FRYL: variants seen among roughly 807,000 people sequenced by gnomAD.
The protein encoded by FRYL is protein furry homolog-like.
Under a neutral mutation model 351.2 loss-of-function variants are expected in FRYL, and 150 were observed. That is an observed-to-expected ratio of 0.43 (90% CI 0.37 to 0.49). The LOEUF is 0.49. Ranked by LOEUF, FRYL falls within the 20% of genes least tolerant of loss-of-function variation. The probability of loss-of-function intolerance (pLI) is 0.00; values close to 1 mark genes in which losing one functional copy is unlikely to be tolerated. For synonymous variants in FRYL, 1,153 were observed against 1,257.1 expected (o/e 0.92, Z 1.75); for missense variants, 3,036 against 3,619.3 (o/e 0.84, Z 4.13).
chr4:48,604,619 A>G (rs1336162880), intron 11 of FRYL, among the ~76,000 whole-genome samples: 1 of 152,230 alleles, frequency 6.6e-6, no homozygotes, highest in African/African-American at 2.4e-5. Context: ...AGCAAGGGGC[A>G]TGGAGCAGGT....
At chr4:48,623,269 T>C in intron 4 of FRYL, 90 bp from the exon 5 acceptor site, 2 of 801,066 alleles carry the variant, frequency 2.5e-6, no homozygotes, top group South Asian at 3.9e-5. Flanking sequence ...AGTTTAGATT[T>C]GTGCGTTTGG....
In FRYL at chr4:48,634,414, G is replaced by A. The variant is rs1436442602; in HGVS notation, c.-4C>T. 1 of 1,612,578 alleles carries A rather than the reference G, an allele frequency of 6.2e-7. No individual in the cohort carries two copies. Among genetic ancestry groups the A allele is most frequent in the East Asian group, 2.2e-5 (1 of 44,828 alleles). ...GGTCAATCGTAATGTTTGACATGATGATATTTTTTTTTCCCCAAGTGGAAT... is the reference window on the plus strand; with the variant it reads ...GGTCAATCGTAATGTTTGACATGATAATATTTTTTTTTCCCCAAGTGGAAT... On this transcript the variant is annotated 5_prime_UTR_variant, in exon 4 of 64. Transcript: ENST00000358350.
chr4:48,619,022 T>C, intron 7 of FRYL: 1 of 345,836 alleles, frequency 2.9e-6, no homozygotes, highest in Non-Finnish European at 5.2e-6. Context: ...ATTAACACAA[T>C]TTCCATTCAG....
chr4:48,616,132 G>A (rs1429976908), intron 7 of FRYL, among the ~76,000 whole-genome samples: 2 of 151,852 alleles, frequency 1.3e-5, no homozygotes, highest in African/African-American at 2.4e-5. Flanking sequence ...ATGGGTTGAT[G>A]GGTGCAGCAA....
chr4:48,638,743 G>C (rs1754750489), intron 3 of FRYL, among the ~76,000 whole-genome samples: 1 of 152,150 alleles, frequency 6.6e-6, no homozygotes, highest in East Asian at 1.9e-4. Flanking sequence ...TAAAGAAAAT[G>C]TGGCACACAT....
chr4:48,522,037 G>C (rs1297809753), intron 54 of FRYL, among the ~76,000 whole-genome samples: 2 of 152,164 alleles, frequency 1.3e-5, no homozygotes, highest in East Asian at 1.9e-4. Context: ...TGCCACTTTG[G>C]GAGGCCGAGG....
chr4:48,663,724 G>A (rs111611407), intron 3 of FRYL, among the ~76,000 whole-genome samples: 239 of 133,902 alleles, frequency 1.8e-3, no homozygotes, highest in African/African-American at 6.2e-3. Context: ...GCAGTGAGCC[G>A]AGATCGCGCC....
intron 1 of FRYL, among the ~76,000 whole-genome samples, chr4:48,740,012 C>T (rs1174552502): frequency 6.6e-6 from 1 of 152,132 alleles, no homozygotes; most frequent in Non-Finnish European, 1.5e-5. Flanking sequence ...GATGCAGTCC[C>T]TCAACCTTGG....
intron 19 of FRYL, among the ~76,000 whole-genome samples, chr4:48,585,780 G>T (rs1741973417): frequency 6.6e-6 from 1 of 152,136 alleles, no homozygotes; most frequent in Non-Finnish European, 1.5e-5. Flanking sequence ...TCAAATCAGT[G>T]CAATGAGGAT....
chr4:48,574,490 CAAA>C (rs1739114371), intron 25 of FRYL: 1 of 151,980 alleles, frequency 6.6e-6, no homozygotes, highest in Non-Finnish European at 1.5e-5. Context: ...TAGCAAAAGG[CAAA>C]AGATTTATAC....
intron 1 of FRYL, among the ~76,000 whole-genome samples, chr4:48,769,392 C>T (rs1476032304): frequency 2.0e-5 from 3 of 152,110 alleles, no homozygotes; most frequent in East Asian, 1.9e-4. Context: ...TACAATACTA[C>T]TAGAACAGTT....
chr4:48,775,914 G>C (rs1775966168), intron 1 of FRYL, among the ~76,000 whole-genome samples: 1 of 151,936 alleles, frequency 6.6e-6, no homozygotes, highest in East Asian at 1.9e-4. Context: ...GAATTACTAG[G>C]CCTGGAGAAA....
chr4:48,549,352 T>C lies in FRYL; in HGVS notation c.4784+121A>G, dbSNP rs943138223. On this transcript the variant is annotated intron_variant, in intron 39 of 63. Coordinates refer to ENST00000358350, the MANE Select transcript of FRYL (RefSeq NM_015030.2). This position sits in a 1 kb window ranked among gnomAD's most constrained non-coding sequence, Gnocchi z 4.2. Reference sequence around the variant, plus strand: ...CTTAGAATCTAAACACATTGATCTGTGTTGCAGTATCTCCATAAAGAAGAT... The same window carrying C: ...CTTAGAATCTAAACACATTGATCTGCGTTGCAGTATCTCCATAAAGAAGAT... 6.9e-6 allele frequency: 5 copies of C among 723,256 alleles called. No homozygotes were observed. In the African/African-American group the frequency reaches 7.2e-5, roughly 10 times the overall value. 44.8% of individuals were successfully genotyped at this position (723,256 alleles called of 1,614,324 possible). A position where few individuals can be genotyped will look rare whatever the true frequency, so the allele number is the denominator to read the frequency against.
chr4:48,716,530 C>G (rs1768851801), intron 1 of FRYL, among the ~76,000 whole-genome samples: 1 of 151,692 alleles, frequency 6.6e-6, no homozygotes, highest in South Asian at 2.1e-4. Flanking sequence ...AAAAAATGCT[C>G]ACCATCACTG....
At chr4:48,654,798 G>A (rs922461897) in intron 3 of FRYL, among the ~76,000 whole-genome samples, 2 of 152,160 alleles carry the variant, frequency 1.3e-5, no homozygotes, top group East Asian at 1.9e-4. Context: ...GAAAGCAGAC[G>A]CTGTTAAAGC....
intron 1 of FRYL, among the ~76,000 whole-genome samples, chr4:48,717,711 T>G (rs1032896364): frequency 2.0e-5 from 3 of 151,290 alleles, no homozygotes; most frequent in African/African-American, 7.3e-5. Context: ...TGACTAATTT[T>G]TTTAATTTTT....
chr4:48,773,209 CATTATT>C (rs1243693980), intron 1 of FRYL, among the ~76,000 whole-genome samples: 1 of 152,072 alleles, frequency 6.6e-6, no homozygotes, highest in Non-Finnish European at 1.5e-5. Flanking sequence ...GATTATCTAT[CATTATT>C]ATTATAAGAC....
intron 49 of FRYL, among the ~76,000 whole-genome samples, chr4:48,532,676 A>C (rs893184586): frequency 7.9e-5 from 12 of 152,264 alleles, no homozygotes; most frequent in African/African-American, 1.7e-4. Flanking sequence ...CAAAACAAAA[A>C]AAAGTTTATA....
rs918355082 is a variant in FRYL, at chr4:48,500,111, A to C, written c.8702T>G (p.Ile2901Arg). ...AATTAAAGAATGAATGGCAGTTTCT[A>C]TAGTAGTTTGTGCAGCTTTGGAAAT... ...IDISKAAQTT[I>R]ETAIHSLIET... The change falls in exon 63 of 64, where the codon ATA (isoleucine) becomes AGA (arginine). Residue 2901 changes from isoleucine to arginine, a missense_variant. Around this residue, in one of 7 missense-constraint regions of FRYL, gnomAD observed 1,987 missense variants for 2,311.7 expected, o/e 0.86. Transcript: ENST00000358350. 5.6e-6 allele frequency: 9 copies of C among 1,601,870 alleles called. No individual in the cohort carries two copies. The highest frequency in any genetic ancestry group is 3.5e-5 in the Admixed American group (2 of 57,222).
Sources: allele counts gnomAD v4.1 joint callset (sites outside exome capture counted in the v4.1 genomes callset), GRCh38; gene constraint gnomAD v4.1.1; regional missense constraint gnomAD v4.1.1; non-coding constraint Gnocchi (gnomAD v3.1); transcripts MANE v1.5; gene names NCBI Gene and HGNC (gene_info 2026-07-23, HGNC 2026-07-21).